Variants in KDM7A observed in about 807,000 individuals in gnomAD.
The protein encoded by KDM7A is lysine-specific demethylase 7A.
In KDM7A, 28 loss-of-function variants were observed where a neutral mutation model predicts 114.8. That is an observed-to-expected ratio of 0.24 (90% CI 0.18 to 0.33). The LOEUF (loss-of-function observed/expected upper bound fraction) is 0.33. Among genes scored for constraint, KDM7A ranks in the 10% least tolerant of loss-of-function variants. KDM7A has a pLI of 1.00. For synonymous variants in KDM7A, 423 were observed against 397.8 expected (o/e 1.06, Z -0.75); for missense variants, 942 against 1,142.5 (o/e 0.82, Z 2.53).
intron 2 of KDM7A, among the ~76,000 whole-genome samples, chr7:140,135,376 G>C (rs1420382936): frequency 1.3e-5 from 2 of 151,812 alleles, no homozygotes; most frequent in Non-Finnish European, 2.9e-5. Context: ...CTAATTTTTT[G>C]TATTTTAGTA....
At chr7:140,120,673 C>T (rs1465864112) in intron 7 of KDM7A, 144 bp from the exon 8 acceptor site, 5 of 548,928 alleles carry the variant, frequency 9.1e-6, no homozygotes, top group African/African-American at 1.9e-5. Flanking sequence ...TTATTACAAT[C>T]TATAGATTTA....
intron 3 of KDM7A, among the ~76,000 whole-genome samples, chr7:140,131,097 G>T (rs1197062763): frequency 6.6e-6 from 1 of 151,836 alleles, no homozygotes; most frequent in East Asian, 1.9e-4. Flanking sequence ...TTGATCTCCC[G>T]AGCTCATGAT....
rs1178034736 is a variant in KDM7A, at chr7:140,145,712, T to A, written c.195-6522A>T. On this transcript the variant is annotated intron_variant, in intron 1 of 19. Coordinates refer to ENST00000397560, the MANE Select transcript of KDM7A (RefSeq NM_030647.2). ...TAACAGATGCCAAGTTGGCACTTTT[T>A]CTATAGAAACCCCTAGTTTGTCTTG... Among the ~76,000 whole-genome samples, 6 of 152,344 alleles carry A rather than the reference T, an allele frequency of 3.9e-5. No homozygotes were observed. The South Asian group carries it at 8.3e-4, about 21-fold the overall frequency.
chr7:140,116,255 A>AGTGT (rs10675737), intron 9 of KDM7A, among the ~76,000 whole-genome samples: 9,098 of 151,216 alleles, frequency 0.06, 301 homozygotes, highest in Non-Finnish European at 0.073. Flanking sequence ...TTGCAGAATC[A>AGTGT]GTGTGTGTGT....
intron 1 of KDM7A, among the ~76,000 whole-genome samples, chr7:140,169,392 T>G (rs1324475875): frequency 1.3e-5 from 2 of 152,188 alleles, no homozygotes; most frequent in Non-Finnish European, 2.9e-5. Flanking sequence ...CTATTCTTAC[T>G]CATAAGCCTC....
chr7:140,128,300 G>A (rs1193368138), intron 4 of KDM7A, among the ~76,000 whole-genome samples: 2 of 152,164 alleles, frequency 1.3e-5, no homozygotes, highest in Non-Finnish European at 2.9e-5. Flanking sequence ...ATGGGATAAG[G>A]TAGAATTCAA....
At chr7:140,110,096 C>A (rs1251858921) in intron 11 of KDM7A, among the ~76,000 whole-genome samples, 1 of 152,000 alleles carries the variant, frequency 6.6e-6, no homozygotes, top group African/African-American at 2.4e-5. Context: ...GTGTATTTTA[C>A]CACTTTAAAT....
chr7:140,164,472 T>C (rs889828896), intron 1 of KDM7A, among the ~76,000 whole-genome samples: 3 of 152,180 alleles, frequency 2.0e-5, no homozygotes, highest in Non-Finnish European at 4.4e-5. Flanking sequence ...AGACATTGAC[T>C]GGTGTTCCCT....
chr7:140,169,746 G>A (rs1186034264), intron 1 of KDM7A, among the ~76,000 whole-genome samples: 2 of 152,000 alleles, frequency 1.3e-5, no homozygotes, highest in East Asian at 1.9e-4. Context: ...GGCTGGTGTC[G>A]AACTTCTGAC....
chr7:140,091,707 G>A (rs1422260894), intron 19 of KDM7A, 97 bp downstream of exon 19: 14 of 1,332,892 alleles, frequency 1.1e-5, no homozygotes, highest in Non-Finnish European at 3.2e-6. Flanking sequence ...TGCATGAGAT[G>A]TTGAACAACT....
At chr7:140,172,939 C>T (rs1391533094) in intron 1 of KDM7A, among the ~76,000 whole-genome samples, 1 of 152,116 alleles carries the variant, frequency 6.6e-6, no homozygotes, top group Non-Finnish European at 1.5e-5. Context: ...CTTTTCTGTA[C>T]TTTCCGATTT....
intron 10 of KDM7A, among the ~76,000 whole-genome samples, chr7:140,111,432 G>A (rs1044682019): frequency 9.2e-5 from 14 of 152,142 alleles, no homozygotes; most frequent in African/African-American, 3.4e-4. Flanking sequence ...TTTACATTGA[G>A]TAGTAACCTT....
At chr7:140,095,916 A>G (rs573965500) in intron 17 of KDM7A, among the ~76,000 whole-genome samples, 1 of 152,252 alleles carries the variant, frequency 6.6e-6, no homozygotes, top group African/African-American at 2.4e-5. Context: ...AAATTATTTC[A>G]GTGAAATGGA....
At chr7:140,144,172 C>T (rs541733444) in intron 1 of KDM7A, among the ~76,000 whole-genome samples, 5 of 152,222 alleles carry the variant, frequency 3.3e-5, no homozygotes, top group African/African-American at 9.6e-5. Flanking sequence ...ATAGACACAC[C>T]GAATAGAACT....
chr7:140,134,845 A>C (rs1466497627), intron 2 of KDM7A, among the ~76,000 whole-genome samples: 1 of 152,122 alleles, frequency 6.6e-6, no homozygotes, highest in African/African-American at 2.4e-5. Context: ...TATGATTCCA[A>C]GTTATTTTAA....
At chr7:140,162,889 T>G (rs1316878046) in intron 1 of KDM7A, among the ~76,000 whole-genome samples, 1 of 152,124 alleles carries the variant, frequency 6.6e-6, no homozygotes, top group East Asian at 1.9e-4. Flanking sequence ...TAGAATTCTA[T>G]GCAGCTACTA....
intron 1 of KDM7A, among the ~76,000 whole-genome samples, chr7:140,160,407 A>T (rs1197008186): frequency 6.6e-6 from 1 of 152,180 alleles, no homozygotes; most frequent in Non-Finnish European, 1.5e-5. Flanking sequence ...TCCTCTTAGA[A>T]TGTCTGAGGT....
At chr7:140,140,742 CA>C (rs56713880) in intron 1 of KDM7A, among the ~76,000 whole-genome samples, 9,268 of 115,984 alleles carry the variant, frequency 0.08, 311 homozygotes, top group Non-Finnish European at 0.11. Context: ...GACTTCATCT[CA>C]AAAAAAAAAA....
At chr7:140,127,334 G>T in intron 5 of KDM7A, 108 bp downstream of exon 5, 1 of 925,046 alleles carries the variant, frequency 1.1e-6, no homozygotes, top group Non-Finnish European at 1.6e-6. Context: ...TGCTACCACT[G>T]GACAACTTTA....
Sources: allele counts gnomAD v4.1 joint callset (sites outside exome capture counted in the v4.1 genomes callset), GRCh38; gene constraint gnomAD v4.1.1; transcripts MANE v1.5; gene names NCBI Gene and HGNC (gene_info 2026-07-23, HGNC 2026-07-21).